Variants in TRAIP observed in about 807,000 individuals in gnomAD.
The protein encoded by TRAIP is E3 ubiquitin-protein ligase TRAIP.
In TRAIP, 37 loss-of-function variants were observed where a neutral mutation model predicts 65.0. The observed-to-expected ratio is 0.57, with a 90% CI of 0.44 to 0.75. The LOEUF (loss-of-function observed/expected upper bound fraction) is 0.75. TRAIP is among the 30% of genes least tolerant of loss of function. The pLI is 0.00. For missense variants in TRAIP, 481 were observed against 579.4 expected, an observed-to-expected ratio of 0.83 and a Z score of 1.74; for synonymous variants, 187 against 219.1, an observed-to-expected ratio of 0.85 and a Z score of 1.29.
At chr3:49,840,874 C>A in intron 8 of TRAIP, 111 bp downstream of exon 8, 1 of 992,518 alleles carries the variant, frequency 1.0e-6, no homozygotes, top group Non-Finnish European at 1.6e-6. Context: ...CTCCAGCTGC[C>A]CCAGGGAGTC....
chr3:49,839,822 CA>C lies in TRAIP; in HGVS notation c.833del (p.Leu278Ter). ...TCTCACTGGCCACTGGTGGCAGGTT[CA>C]AGGTTTCCTGCAGCATCGTTAGCTT... ...KKKLTMLQETLNLPPVASETV... is the reference protein window; with the variant it reads ...KKKLTMLQETXNLPPVASETV... On this transcript the variant is annotated frameshift_variant, in exon 10 of 15. Transcript: ENST00000331456. LOFTEE classifies it high-confidence loss of function. 5 of 1,614,234 alleles carry C rather than the reference CA, an allele frequency of 3.1e-6. No homozygotes were observed. The highest frequency in any genetic ancestry group is 3.4e-6 in the Non-Finnish European group (4 of 1,180,034).
intron 1 of TRAIP, among the ~76,000 whole-genome samples, chr3:49,850,046 C>A (rs1459301990): frequency 6.6e-6 from 1 of 151,700 alleles, no homozygotes; most frequent in Non-Finnish European, 1.5e-5. Flanking sequence ...CCATGTACAA[C>A]ATATAATCAA....
rs543166535 is a variant in TRAIP, at chr3:49,842,647, G to C, written c.409-100C>G. The C allele has an allele frequency of 2.6e-6, 3 of 1,149,362 alleles. No individual in the cohort carries two copies. The East Asian group carries it at 7.2e-5, about 28-fold the overall frequency. The allele number at this position is 1,149,362 out of a possible 1,614,324, so 71.2% of individuals were successfully genotyped here. On this transcript the variant is annotated intron_variant, in intron 5 of 14. Coordinates refer to ENST00000331456, the MANE Select transcript of TRAIP (RefSeq NM_005879.3). ...TGCTCCAGAACTCTCTGCAGCTTAT[G>C]TTTTGAAAATGCTGATAACCATGTA... is the stretch of plus-strand genomic sequence containing the variant.
chr3:49,838,013 A>G lies in TRAIP; in HGVS notation c.884+1759T>C, dbSNP rs144465331. Among the ~76,000 whole-genome samples, 5 of 152,122 alleles carry G rather than the reference A, an allele frequency of 3.3e-5. No individual in the cohort carries two copies. The East Asian group carries it at 9.7e-4, about 29-fold the overall frequency. On this transcript the variant is annotated intron_variant, in intron 10 of 14. Coordinates refer to ENST00000331456, the MANE Select transcript of TRAIP (RefSeq NM_005879.3). Reference sequence around the variant, plus strand: ...GGCCTCCTGAGTAACTAGAACTACAAGTGTGTGCCACCATGCTTGGCTAAG... The same window carrying G: ...GGCCTCCTGAGTAACTAGAACTACAGGTGTGTGCCACCATGCTTGGCTAAG...
intron 1 of TRAIP, among the ~76,000 whole-genome samples, chr3:49,849,759 G>A (rs1253941199): frequency 3.3e-5 from 5 of 151,932 alleles, no homozygotes; most frequent in Admixed American, 2.6e-4. Flanking sequence ...CTAGGGACCA[G>A]GGAGAAACTA....
chr3:49,846,823 G>A (rs1431383648), intron 3 of TRAIP, among the ~76,000 whole-genome samples: 4 of 152,040 alleles, frequency 2.6e-5, no homozygotes, highest in South Asian at 4.1e-4. Flanking sequence ...AGGATTGCTC[G>A]AGCCCAAGAG....
At chr3:49,835,238 G>C (rs1575391407) in intron 10 of TRAIP, among the ~76,000 whole-genome samples, 1 of 152,196 alleles carries the variant, frequency 6.6e-6, no homozygotes, top group Non-Finnish European at 1.5e-5. Context: ...TACTGATTCA[G>C]CCCTAAAAAG....
chr3:49,840,706 T>G lies in TRAIP; in HGVS notation c.705+279A>C, dbSNP rs933239756. On this transcript the variant is annotated intron_variant, in intron 8 of 14. Transcript: ENST00000331456. ...GCTGTCACATTTGAGGCCTGTGCTC[T>G]CCAGCCAGCTGAGAGGTACCCAGGA... 1.3e-4 allele frequency among the ~76,000 whole-genome samples: 20 copies of G among 152,194 alleles called. 1 individual carries two copies. Among genetic ancestry groups the G allele is most frequent in the Non-Finnish European group, 7.3e-5 (5 of 68,030 alleles).
chr3:49,845,548 T>C (rs1355767810), intron 3 of TRAIP, among the ~76,000 whole-genome samples: 1 of 152,240 alleles, frequency 6.6e-6, no homozygotes, highest in Non-Finnish European at 1.5e-5. Context: ...CAAGAGCTTC[T>C]GGTGGCTGGG....
rs2081843483 is a variant in TRAIP at position 49,842,007 on chromosome 3, C to A, written c.504-68G>T. The A allele has an allele frequency of 7.0e-6, 9 of 1,292,422 alleles. No individual in the cohort carries two copies. In the South Asian group the frequency reaches 1.1e-4, roughly 16 times the overall value. The allele number at this position is 1,292,422 out of a possible 1,614,324, so 80.1% of individuals were successfully genotyped here. On this transcript the variant is annotated intron_variant, in intron 6 of 14. Transcript: ENST00000331456. ...TGATGGGTAGGTACCCAGTGCCGCT[C>A]TGCCTTCCTTTGCTGCCGTTGCTAA... is the stretch of plus-strand genomic sequence containing the variant.
chr3:49,855,630 G>C (rs1319654590), intron 1 of TRAIP, among the ~76,000 whole-genome samples: 1 of 152,208 alleles, frequency 6.6e-6, no homozygotes, highest in Non-Finnish European at 1.5e-5. Flanking sequence ...AGCTTTGCAA[G>C]TAAGCCAGCA....
intron 1 of TRAIP, among the ~76,000 whole-genome samples, chr3:49,853,990 C>CA (rs779093059): frequency 8.7e-4 from 117 of 134,432 alleles, no homozygotes; most frequent in East Asian, 7.1e-3. Flanking sequence ...GATCCTGTTT[C>CA]AAAAAAAAAA....
chr3:49,841,781 C>T, intron 7 of TRAIP, 45 bp downstream of exon 7: 1 of 1,541,490 alleles, frequency 6.5e-7, no homozygotes, highest in South Asian at 1.1e-5. Context: ...GCTGGGGCCC[C>T]ATGGCCTATC....
intron 1 of TRAIP, among the ~76,000 whole-genome samples, chr3:49,855,258 T>G (rs1215561603): frequency 1.3e-5 from 2 of 152,092 alleles, no homozygotes; most frequent in Non-Finnish European, 2.9e-5. Context: ...GAGACCAGCC[T>G]GGCCAACATG....
rs565852650 is a variant in TRAIP at position 49,832,512 on chromosome 3, T to C, written c.885-444A>G. 1.2e-4 allele frequency among the ~76,000 whole-genome samples: 18 copies of C among 146,246 alleles called. 1 individual carries two copies. The South Asian group carries it at 3.4e-3, about 28-fold the overall frequency. On this transcript the variant is annotated intron_variant, in intron 10 of 14. Coordinates refer to ENST00000331456, the MANE Select transcript of TRAIP (RefSeq NM_005879.3). ...CTCAGGAAAAAAAAAAAAAAAAGTT[T>C]AAATTTAATTTAATTTAAAAAGCAC...
In TRAIP at chr3:49,856,340, C is replaced by T; in HGVS notation, c.98+16G>A. ...TACCCGGGCAAACACCGGGCCCCAA[C>T]ACTGCAGTCACTCACCACTGCAAGT... is the stretch of plus-strand genomic sequence containing the variant. On this transcript the variant is annotated intron_variant, in intron 1 of 14. Transcript: ENST00000331456. The T allele has an allele frequency of 1.2e-6, 2 of 1,609,166 alleles. No homozygotes were observed. The highest frequency in any genetic ancestry group is 3.3e-5 in the Admixed American group (2 of 59,940).
At chr3:49,836,674 T>C (rs1398130371) in intron 10 of TRAIP, among the ~76,000 whole-genome samples, 2 of 151,832 alleles carry the variant, frequency 1.3e-5, no homozygotes, top group African/African-American at 4.8e-5. Context: ...TACAAAAAAT[T>C]AGTTGGGCGT....
chr3:49,839,535 C>T lies in TRAIP; in HGVS notation c.884+237G>A, dbSNP rs139817827. 4.4e-3 allele frequency among the ~76,000 whole-genome samples: 663 copies of T among 152,358 alleles called. 9 individuals are homozygous for T. Among genetic ancestry groups the T allele is most frequent in the African/African-American group, 0.015 (631 of 41,584 alleles). ...GGATGCCCCAAGACAGTCAGTGCTT[C>T]TGCCCTATTCTCAGACCACTTCTAG... On this transcript the variant is annotated intron_variant, in intron 10 of 14. Coordinates refer to ENST00000331456, the MANE Select transcript of TRAIP (RefSeq NM_005879.3).
At chr3:49,853,494 C>G (rs918911178) in intron 1 of TRAIP, among the ~76,000 whole-genome samples, 1 of 152,026 alleles carries the variant, frequency 6.6e-6, no homozygotes, top group African/African-American at 2.4e-5. Flanking sequence ...ATATACCATG[C>G]AGTCACCAAA....
Sources: gnomAD v4.1 joint callset for allele counts (sites outside exome capture counted in the v4.1 genomes callset) on GRCh38, gnomAD v4.1.1 for gene constraint, MANE v1.5 for transcripts, NCBI Gene and HGNC (gene_info 2026-07-23, HGNC 2026-07-21) for gene names.